TPR: variants seen among roughly 807,000 people sequenced by gnomAD.
The protein encoded by TPR is translocated promoter region, nuclear basket protein.
Under a neutral mutation model 316.1 loss-of-function variants are expected in TPR, and 51 were observed. The ratio of observed to expected loss-of-function variants is 0.16; its 90% CI spans 0.13 to 0.20. The LOEUF is 0.20. TPR is among the 10% of genes least tolerant of loss of function. TPR has a pLI of 1.00. For missense variants in TPR, 2,272 were observed against 2,754.8 expected (o/e 0.82, Z 3.92); for synonymous variants, 981 against 914.7 (o/e 1.07, Z -1.31).
At chr1:186,341,196 AATTC>A in intron 28 of TPR, 37 bp from the exon 29 acceptor site, 1 of 1,612,514 alleles carries the variant, frequency 6.2e-7, no homozygotes, top group Admixed American at 1.7e-5. Context: ...CAAATGTAAA[AATTC>A]ATTTATTATT....
chr1:186,367,981 C>T lies in TPR; in HGVS notation c.332G>A (p.Ser111Asn), dbSNP rs763250123. 2 of 1,606,896 alleles carry T rather than the reference C, an allele frequency of 1.2e-6. No individual in the cohort carries two copies. Among genetic ancestry groups the T allele is most frequent in the East Asian group, 4.5e-5 (2 of 44,722 alleles). Residue 111 changes from serine (S) to asparagine (N), a missense_variant and splice_region_variant, in exon 4 of 51, where the codon AGC (serine) becomes AAC (asparagine). Coordinates refer to ENST00000367478, the MANE Select transcript of TPR (RefSeq NM_003292.3). Reference protein sequence around the residue: ...IAQDRNIAIQSQFTRTKEELE... With the variant: ...IAQDRNIAIQNQFTRTKEELE... ...TTCTTCCTTTGTTCTTGTAAATTGG[C>T]TCTGTCATATAAAGAAGTAATAAGT... is the stretch of plus-strand genomic sequence containing the variant.
intron 31 of TPR, 32 bp from the exon 32 acceptor site, chr1:186,337,188 A>G (rs1658364825): frequency 6.3e-7 from 1 of 1,576,362 alleles, no homozygotes; most frequent in Middle Eastern, 1.7e-4. Flanking sequence ...ATACACTCAC[A>G]TATTTATATT....
At chr1:186,360,999 A>G in intron 9 of TPR, 94 bp from the exon 10 acceptor site, 1 of 1,269,776 alleles carries the variant, frequency 7.9e-7, no homozygotes. Flanking sequence ...CCCTCAGCAG[A>G]TAATATTAAA....
intron 18 of TPR, 90 bp downstream of exon 18, chr1:186,353,598 G>C (rs1658937863): frequency 7.0e-7 from 1 of 1,435,316 alleles, no homozygotes; most frequent in East Asian, 2.3e-5. Context: ...AAATACCTAA[G>C]TCCTATCAGT....
chr1:186,355,834 T>G (rs1000936458), intron 15 of TPR, 66 bp from the exon 16 acceptor site: 1 of 1,559,302 alleles, frequency 6.4e-7, no homozygotes, highest in Non-Finnish European at 8.7e-7. Flanking sequence ...AATCTAATGC[T>G]TCTTTGCAAA....
chr1:186,357,285 T>C, intron 14 of TPR, 112 bp downstream of exon 14: 7 of 1,015,472 alleles, frequency 6.9e-6, no homozygotes, highest in Non-Finnish European at 1.0e-5. Context: ...TGGGCTCAAA[T>C]GATACCCCAT....
Position 186,312,354 on chromosome 1 carries a change from C to G in TPR, c.*1617G>C, listed in dbSNP as rs1272121234. 6.2e-6 allele frequency: 10 copies of G among 1,608,214 alleles called. No homozygotes were observed. Among genetic ancestry groups the G allele is most frequent in the Non-Finnish European group, 8.5e-6 (10 of 1,178,142 alleles). On this transcript the variant is annotated 3_prime_UTR_variant, in exon 51 of 51. Transcript: ENST00000367478. ...CAGAATTCAATATTCACCTGCCAGA[C>G]TGGCTTATCAAGACAAAGGTAACAT...
chr1:186,357,969 A>T (rs556274913), intron 13 of TPR, among the ~76,000 whole-genome samples: 1 of 152,326 alleles, frequency 6.6e-6, no homozygotes, highest in South Asian at 2.1e-4. Context: ...GCAGAGCATG[A>T]AAAATAGACA....
chr1:186,366,161 GCTGT>G (rs1291856552), intron 4 of TPR, among the ~76,000 whole-genome samples: 2 of 152,100 alleles, frequency 1.3e-5, no homozygotes, highest in Non-Finnish European at 2.9e-5. Flanking sequence ...CAGAAATTAG[GCTGT>G]ATTTCGTAAA....
intron 12 of TPR, 74 bp downstream of exon 12, chr1:186,359,725 A>T (rs1285950596): frequency 1.4e-6 from 2 of 1,463,458 alleles, no homozygotes; most frequent in African/African-American, 2.9e-5. Flanking sequence ...AATCACCTTA[A>T]GAAAAAAAAA....
chr1:186,330,124 G>A (rs1010515120), intron 39 of TPR, among the ~76,000 whole-genome samples: 1 of 152,078 alleles, frequency 6.6e-6, no homozygotes. Flanking sequence ...TGATTTGAGA[G>A]ACCAAAATAG....
chr1:186,363,208 T>C, intron 5 of TPR, 134 bp downstream of exon 5: 2 of 971,126 alleles, frequency 2.1e-6, no homozygotes, highest in Non-Finnish European at 3.0e-6. Flanking sequence ...ATTGTCCTAA[T>C]GCTTAATTTT....
rs767812303 is a variant in TPR, at chr1:186,343,339, C to G, written c.3737G>C (p.Arg1246Thr). ...QELQDSLNAE[R>T]EKVQVTAKTM... ...TAGTATACCTACCTGGACTTTCTCC[C>G]TTTCAGCATTTAGACTATCTTGCAG... The change falls in exon 27 of 51, where the codon AGG becomes ACG. Residue 1246 changes from arginine to threonine, a missense_variant. Arg to Thr is a moderately conservative substitution (Grantham distance 71). Transcript: ENST00000367478. The G allele has an allele frequency of 1.2e-6, 2 of 1,612,694 alleles. No homozygotes were observed. The highest frequency in any genetic ancestry group is 1.7e-6 in the Non-Finnish European group (2 of 1,179,630).
At chr1:186,343,781 T>C (rs3753567) in intron 26 of TPR, 125 bp downstream of exon 26, 312,874 of 979,764 alleles carry the variant, frequency 0.32, 52,353 homozygotes, top group Admixed American at 0.39. Flanking sequence ...TATGAGTTCT[T>C]TGACAAATAA....
Position 186,344,465 on chromosome 1 carries a change from G to A in TPR, c.3327C>T (p.Val1109=). The change falls in exon 25 of 51, where the codon GTC becomes GTT. Residue 1109 remains valine (V), a synonymous_variant. Transcript: ENST00000367478. ...AKEQVSKMAS[V]RQHLEETTQK... is the part of the protein sequence containing the mutation. ...GTGTTGTTTCTTCCAAATGCTGACGGACTGATGCCATTTTTGAAACCTGCT... is the reference window on the plus strand; with the variant it reads ...GTGTTGTTTCTTCCAAATGCTGACGAACTGATGCCATTTTTGAAACCTGCT... 6.2e-7 allele frequency: 1 copy of A among 1,613,966 alleles called. No homozygotes were observed. The highest frequency in any genetic ancestry group is 8.5e-7 in the Non-Finnish European group (1 of 1,179,970).
rs1295126014 is a variant in TPR at position 186,346,257 on chromosome 1, C to T, written c.2974G>A (p.Val992Ile). ...VTEEVRKNIEVRLKESAEFQT... is the reference protein window; with the variant it reads ...VTEEVRKNIEIRLKESAEFQT... ...AATTCAGCTGACTCTTTTAAACGAA[C>T]TTCAATATTCTTACGCACTTCTTCT... Residue 992 changes from valine (V) to isoleucine (I), a missense_variant, in exon 23 of 51, where the codon GTT (valine) becomes ATT (isoleucine). Physicochemically the swap from Val to Ile is conservative, Grantham distance 29 (BLOSUM62 3). Around this residue, in one of 10 missense-constraint regions of TPR, gnomAD observed 757 missense variants for 859.8 expected, o/e 0.88. Transcript: ENST00000367478. 6.2e-7 allele frequency: 1 copy of T among 1,612,934 alleles called. No individual in the cohort carries two copies. Among genetic ancestry groups the T allele is most frequent in the Non-Finnish European group, 8.5e-7 (1 of 1,179,602 alleles).
chr1:186,370,206 T>TC (rs1344699656), intron 3 of TPR, among the ~76,000 whole-genome samples: 1 of 152,170 alleles, frequency 6.6e-6, no homozygotes, highest in East Asian at 1.9e-4. Flanking sequence ...TATGTTTTTT[T>TC]CCCCAATCAT....
chr1:186,318,330 AAAAAAAAAC>A, intron 48 of TPR, 108 bp downstream of exon 48: 2 of 1,382,024 alleles, frequency 1.4e-6, no homozygotes, highest in East Asian at 2.3e-5. Flanking sequence ...TCTGTCTCAA[AAAAAAAAAC>A]AAAAAAAAAC....
At chr1:186,336,927 G>A (rs1658356008) in intron 32 of TPR, 86 bp downstream of exon 32, 2 of 1,568,434 alleles carry the variant, frequency 1.3e-6, no homozygotes, top group Non-Finnish European at 8.7e-7. Context: ...TTCCCACATG[G>A]TAAGACAAAG....
Sources: gnomAD v4.1 joint callset for allele counts (sites outside exome capture counted in the v4.1 genomes callset) on GRCh38, gnomAD v4.1.1 for gene constraint, gnomAD v4.1.1 regional missense constraint, MANE v1.5 for transcripts, NCBI Gene and HGNC (gene_info 2026-07-23, HGNC 2026-07-21) for gene names.